BRF1: variants seen among roughly 807,000 people sequenced by gnomAD.
The protein encoded by BRF1 is transcription factor IIIB 90 kDa subunit.
In BRF1, 59 loss-of-function variants were observed where a neutral mutation model predicts 81.7. The ratio of observed to expected loss-of-function variants is 0.72; its 90% CI spans 0.59 to 0.90. The LOEUF (loss-of-function observed/expected upper bound fraction) is 0.90. BRF1 is among the 40% of genes least tolerant of loss of function. BRF1 has a pLI of 0.00. For synonymous variants in BRF1, 491 were observed against 395.6 expected, an observed-to-expected ratio of 1.24 and a Z score of -2.86; for missense variants, 1,050 against 936.3, an observed-to-expected ratio of 1.12 and a Z score of -1.58.
chr14:105,212,462 T>G, intron 15 of BRF1: 1 of 391,780 alleles, frequency 2.6e-6, no homozygotes, highest in Non-Finnish European at 4.7e-6. Context: ...CTCAAGGAGC[T>G]GCCTGGTGCC....
At chr14:105,216,475 G>C (rs1388633795) in intron 15 of BRF1, among the ~76,000 whole-genome samples, 2 of 152,228 alleles carry the variant, frequency 1.3e-5, no homozygotes, top group South Asian at 4.1e-4. Flanking sequence ...CCAGTGCATG[G>C]CTGATGTGGA....
At chr14:105,214,213 T>C (rs796633849) in intron 15 of BRF1, among the ~76,000 whole-genome samples, 3 of 152,320 alleles carry the variant, frequency 2.0e-5, no homozygotes, top group African/African-American at 4.8e-5. Flanking sequence ...GGCCCCCACT[T>C]TGTCCCCCTT....
Position 105,219,208 on chromosome 14 carries a change from G to A in BRF1, c.1402C>T (p.Arg468Cys), listed in dbSNP as rs777982660. The A allele has an allele frequency of 3.7e-6, 6 of 1,612,592 alleles. No homozygotes were observed. The highest frequency in any genetic ancestry group is 2.2e-5 in the East Asian group (1 of 44,822). ...CTCATCCACAGCTCGGCCTTCACGC[G>A]GGCTTCCGACTCATTCAGGATGTAC... ...DRYILNESEA[R>C]VKAELWMREN... is the part of the protein sequence containing the mutation. The change falls in exon 13 of 18, where the codon CGC (arginine) becomes TGC (cysteine). Residue 468 changes from arginine (R) to cysteine (C), a missense_variant. Physicochemically the swap from Arg to Cys is radical, Grantham distance 180. Around this residue, in one of 2 missense-constraint regions of BRF1, gnomAD observed 1,043 missense variants for 915.4 expected, o/e 1.14. Coordinates refer to ENST00000547530, the MANE Select transcript of BRF1 (RefSeq NM_001519.4).
chr14:105,221,527 C>T (rs1010525781), intron 11 of BRF1, 121 bp downstream of exon 11: 52 of 1,389,630 alleles, frequency 3.7e-5, no homozygotes, highest in Admixed American at 5.8e-5. Context: ...CCAAGCCCAC[C>T]GCCCGAGACC....
At chr14:105,307,341 C>T (rs1221602489) in intron 1 of BRF1, among the ~76,000 whole-genome samples, 1 of 152,182 alleles carries the variant, frequency 6.6e-6, no homozygotes, top group Non-Finnish European at 1.5e-5. Flanking sequence ...CTAGATACCA[C>T]CCCCAAGCCC....
chr14:105,288,868 C>CA (rs1474691582), intron 1 of BRF1, among the ~76,000 whole-genome samples: 181 of 149,214 alleles, frequency 1.2e-3, no homozygotes, highest in African/African-American at 1.9e-3. Flanking sequence ...CCCATTTCTA[C>CA]AAAAAAAAAC....
At chr14:105,250,126 T>C (rs1171957792) in intron 5 of BRF1, 2 of 1,612,922 alleles carry the variant, frequency 1.2e-6, no homozygotes, top group Admixed American at 3.3e-5. Flanking sequence ...ACATCCTGAC[T>C]CTGGAGGAGA....
At chr14:105,226,210 C>A (rs587704202) in intron 9 of BRF1, 41 bp downstream of exon 9, 1 of 1,613,870 alleles carries the variant, frequency 6.2e-7, no homozygotes, top group Non-Finnish European at 8.5e-7. Flanking sequence ...TCAATTTTCC[C>A]AACAAAACAG....
intron 5 of BRF1, chr14:105,246,896 C>G (rs1389098666): frequency 1.0e-6 from 1 of 985,306 alleles, no homozygotes. Context: ...TATCCTGGCA[C>G]CCCCGGAGAC....
At chr14:105,247,219 A>G (rs1373110448) in intron 5 of BRF1, 1 of 985,370 alleles carries the variant, frequency 1.0e-6, no homozygotes, top group Non-Finnish European at 1.2e-6. Context: ...TTCTCTCGGA[A>G]CTTTCCGGAC....
intron 10 of BRF1, among the ~76,000 whole-genome samples, chr14:105,224,781 G>C (rs587661603): frequency 1.3e-5 from 2 of 152,320 alleles, no homozygotes; most frequent in East Asian, 3.9e-4. Flanking sequence ...CTCTGCTCAA[G>C]CAGTCCTCCT....
intron 7 of BRF1, chr14:105,227,103 G>C (rs1893231535): frequency 3.8e-6 from 1 of 260,004 alleles, no homozygotes. Flanking sequence ...GCAGCAGAGT[G>C]AGATTTTGTC....
Position 105,209,868 on chromosome 14 carries a change from G to A in BRF1, c.*683C>T. On this transcript the variant is annotated 3_prime_UTR_variant, in exon 18 of 18. Transcript: ENST00000547530. ...CACAACTCAAGTGGCCCTGGAGCAG[G>A]GGTCTGACCCCCATGCTGCTCCAGG... 1 of 471,742 alleles carries A rather than the reference G, an allele frequency of 2.1e-6. No individual in the cohort carries two copies. The highest frequency in any genetic ancestry group is 3.7e-6 in the Non-Finnish European group (1 of 269,062). The allele number at this position is 471,742 out of a possible 1,614,324, so 29.2% of individuals were successfully genotyped here.
chr14:105,228,804 A>G lies in BRF1; in HGVS notation c.788+16T>C, dbSNP rs147668617. On this transcript the variant is annotated intron_variant, in intron 7 of 17. Transcript: ENST00000547530. ...GCCTCTGTGTGGTCCCCATGCCATG[A>G]ATGAGAGCCCCTCACCTCTTCCGCA... 85 of 1,613,466 alleles carry G rather than the reference A, an allele frequency of 5.3e-5. No individual in the cohort carries two copies. In the East Asian group the frequency reaches 1.3e-3, roughly 25 times the overall value.
rs1288849617 is a variant in BRF1 at position 105,218,992 on chromosome 14, G to GC, written c.1515+5dup. 3 of 1,613,656 alleles carry GC rather than the reference G, an allele frequency of 1.9e-6. No individual in the cohort carries two copies. Among genetic ancestry groups the GC allele is most frequent in the Non-Finnish European group, 2.5e-6 (3 of 1,180,006 alleles). On this transcript the variant is annotated splice_donor_region_variant and intron_variant, in intron 14 of 17. Coordinates refer to ENST00000547530, the MANE Select transcript of BRF1 (RefSeq NM_001519.4). The stretch of plus-strand genomic sequence containing the variant: ...GAAGGCCAGGCCCAGCGTCACAGGC[G>GC]CCCACCTTGTGTTCCTTGTAGATGC...
intron 1 of BRF1, among the ~76,000 whole-genome samples, chr14:105,312,012 G>A (rs2058362913): frequency 1.3e-5 from 2 of 152,244 alleles, no homozygotes; most frequent in South Asian, 4.1e-4. Context: ...TAGGGGCGCT[G>A]TGGGCTGGAG....
intron 15 of BRF1, chr14:105,212,380 C>CA: frequency 1.7e-6 from 1 of 580,416 alleles, no homozygotes; most frequent in South Asian, 2.2e-5. Flanking sequence ...CAGCGAGCAG[C>CA]ACTCGACACA....
intron 5 of BRF1, chr14:105,248,577 G>GTACGGGCT (rs2055312113): frequency 2.2e-6 from 2 of 912,082 alleles, no homozygotes; most frequent in African/African-American, 2.1e-5. Flanking sequence ...GCTCGGGCGG[G>GTACGGGCT]CGGGCGGGCG....
chr14:105,271,821 A>G lies in BRF1; in HGVS notation c.439+900T>C, dbSNP rs587611394. ...ATCTCCACGCAAGGCCAAGCTGCAC[A>G]CCGCTGAGGGTCGGCAGCCTCCCCG... On this transcript the variant is annotated intron_variant, in intron 3 of 17. Transcript: ENST00000547530. This position sits in a 1 kb window ranked among gnomAD's most constrained non-coding sequence, Gnocchi z 5.5. Among the ~76,000 whole-genome samples, 413 of 152,130 alleles carry G rather than the reference A, an allele frequency of 2.7e-3. 2 individuals are homozygous for G. The highest frequency in any genetic ancestry group is 9.4e-3 in the African/African-American group (392 of 41,510).
Sources: gnomAD v4.1 joint callset for allele counts (sites outside exome capture counted in the v4.1 genomes callset) on GRCh38, gnomAD v4.1.1 for gene constraint, gnomAD v4.1.1 regional missense constraint, Gnocchi (gnomAD v3.1) non-coding constraint, MANE v1.5 for transcripts, NCBI Gene and HGNC (gene_info 2026-07-23, HGNC 2026-07-21) for gene names.